The following SH3RF1 variants were observed in gnomAD, a reference collection of about 807,000 sequenced individuals.
The protein encoded by SH3RF1 is SH3 domain containing ring finger 1.
SH3RF1 carries 32 observed loss-of-function variants against 74.0 expected under a neutral mutation model. The observed-to-expected ratio is 0.43, with a 90% confidence interval of 0.33 to 0.58. The LOEUF is 0.58. Ranked by LOEUF, SH3RF1 falls within the 20% of genes least tolerant of loss-of-function variation. The probability of loss-of-function intolerance (pLI) is 0.05; values close to 1 mark genes in which losing one functional copy is unlikely to be tolerated. For synonymous variants in SH3RF1, 396 were observed against 439.6 expected, an observed-to-expected ratio of 0.90 and a Z score of 1.24; for missense variants, 954 against 1,130.9, an observed-to-expected ratio of 0.84 and a Z score of 2.24.
intron 2 of SH3RF1, among the ~76,000 whole-genome samples, chr4:169,229,015 C>G (rs181671421): frequency 7.2e-4 from 110 of 152,184 alleles, no homozygotes; most frequent in African/African-American, 2.5e-3. Flanking sequence ...AACAGCTTAA[C>G]CTGATTTATT....
chr4:169,116,150 G>A (rs1427314009), intron 10 of SH3RF1, 119 bp downstream of exon 10: 2 of 1,424,320 alleles, frequency 1.4e-6, no homozygotes, highest in East Asian at 2.3e-5. Flanking sequence ...CACGTAGGGA[G>A]CACCTGAGGG....
chr4:169,102,130 A>G lies in SH3RF1; in HGVS notation c.2498+4717T>C, dbSNP rs548408900. On this transcript the variant is annotated intron_variant, in intron 11 of 11. Transcript: ENST00000284637. Reference sequence around the variant, plus strand: ...TTCATCACTCTGACCTGGGTGAGTAACCACTTACTGCTTTCTACCAGTTGC... The same window carrying G: ...TTCATCACTCTGACCTGGGTGAGTAGCCACTTACTGCTTTCTACCAGTTGC... 1.3e-4 allele frequency among the ~76,000 whole-genome samples: 20 copies of G among 152,294 alleles called. No homozygotes were observed. The South Asian group carries it at 4.1e-3, about 32-fold the overall frequency.
At chr4:169,131,885 C>T (rs970311228) in intron 5 of SH3RF1, among the ~76,000 whole-genome samples, 1 of 152,208 alleles carries the variant, frequency 6.6e-6, no homozygotes, top group Non-Finnish European at 1.5e-5. Context: ...TTCACTTTAG[C>T]CTCTGATTGG....
chr4:169,104,426 G>A (rs1254508506), intron 11 of SH3RF1, among the ~76,000 whole-genome samples: 1 of 152,164 alleles, frequency 6.6e-6, no homozygotes, highest in East Asian at 1.9e-4. Flanking sequence ...CTTAGAGTAA[G>A]AGATTCAGTG....
chr4:169,122,137 G>A lies in SH3RF1; in HGVS notation c.1309C>T (p.Gln437Ter). Residue 437 changes from glutamine (Q) to a stop codon, truncating the protein, a stop_gained, in exon 7 of 12, where the codon CAG (glutamine) becomes TAG (stop). Transcript: ENST00000284637. LOFTEE classifies it high-confidence loss of function. ...GTCTGCGGCCGTAAATGTGCAATCT[G>A]GTCAGTGGATCCTGCCATGGGCCTC... ...GPRPMAGSTD[Q>*]IAHLRPQTRP... 6.2e-7 allele frequency: 1 copy of A among 1,613,066 alleles called. No homozygotes were observed. Among genetic ancestry groups the A allele is most frequent in the Non-Finnish European group, 8.5e-7 (1 of 1,180,030 alleles).
chr4:169,157,500 A>G (rs1052790010), intron 2 of SH3RF1, among the ~76,000 whole-genome samples: 11 of 152,214 alleles, frequency 7.2e-5, no homozygotes, highest in Non-Finnish European at 1.0e-4. Flanking sequence ...GTGCAATTTA[A>G]TCATCAACTG....
chr4:169,161,499 G>A (rs1370190730), intron 2 of SH3RF1, among the ~76,000 whole-genome samples: 1 of 152,202 alleles, frequency 6.6e-6, no homozygotes, highest in African/African-American at 2.4e-5. Flanking sequence ...AATGCTACTT[G>A]ATGAACTAGC....
chr4:169,250,344 T>C (rs752108358), intron 2 of SH3RF1, among the ~76,000 whole-genome samples: 1 of 152,060 alleles, frequency 6.6e-6, no homozygotes, highest in Non-Finnish European at 1.5e-5. Context: ...TGCGGCAAGA[T>C]TATTTTTTAA....
intron 11 of SH3RF1, among the ~76,000 whole-genome samples, chr4:169,100,682 C>T (rs1419579364): frequency 1.3e-5 from 2 of 152,182 alleles, no homozygotes; most frequent in Non-Finnish European, 2.9e-5. Context: ...TTGCAGCTAC[C>T]CACTGCCAAA....
At chr4:169,265,230 T>C (rs1413355613) in intron 2 of SH3RF1, among the ~76,000 whole-genome samples, 1 of 152,226 alleles carries the variant, frequency 6.6e-6, no homozygotes, top group Non-Finnish European at 1.5e-5. Flanking sequence ...TGTCTACCAT[T>C]ACCTATCCAG....
chr4:169,116,175 A>C, intron 10 of SH3RF1, 94 bp downstream of exon 10: 2 of 1,512,456 alleles, frequency 1.3e-6, no homozygotes, highest in Non-Finnish European at 1.8e-6. Context: ...TTGAACAGTG[A>C]GTCCTCTCAT....
intron 2 of SH3RF1, among the ~76,000 whole-genome samples, chr4:169,162,790 C>T (rs978999363): frequency 6.6e-6 from 1 of 152,210 alleles, no homozygotes; most frequent in Non-Finnish European, 1.5e-5. Flanking sequence ...AGCCCCCCTC[C>T]TTATTCCAGA....
chr4:169,250,683 G>A (rs1731088408), intron 2 of SH3RF1, among the ~76,000 whole-genome samples: 1 of 152,152 alleles, frequency 6.6e-6, no homozygotes, highest in Non-Finnish European at 1.5e-5. Context: ...CTATTGTGGG[G>A]TAGTGGGGAT....
chr4:169,163,145 A>C (rs1260286110), intron 2 of SH3RF1, among the ~76,000 whole-genome samples: 1 of 152,094 alleles, frequency 6.6e-6, no homozygotes, highest in African/African-American at 2.4e-5. Context: ...TAGATAAAGT[A>C]GCTTTCTTAC....
At chr4:169,146,334 A>G (rs1215263406) in intron 4 of SH3RF1, among the ~76,000 whole-genome samples, 1 of 150,822 alleles carries the variant, frequency 6.6e-6, no homozygotes, top group Non-Finnish European at 1.5e-5. Flanking sequence ...GGTTCAAGCA[A>G]TTCTCCTGCC....
intron 4 of SH3RF1, among the ~76,000 whole-genome samples, chr4:169,155,198 C>G (rs865942748): frequency 2.6e-5 from 4 of 152,178 alleles, no homozygotes; most frequent in Non-Finnish European, 5.9e-5. Flanking sequence ...ATGGAATAAA[C>G]AGGAAATAGT....
intron 3 of SH3RF1, among the ~76,000 whole-genome samples, 155 bp from the exon 4 acceptor site, chr4:169,155,730 C>A (rs1013558603): frequency 6.6e-6 from 1 of 152,172 alleles, no homozygotes; most frequent in East Asian, 1.9e-4. Flanking sequence ...TAAATGTTTT[C>A]ATGAATTAAA....
intron 2 of SH3RF1, among the ~76,000 whole-genome samples, chr4:169,218,390 TTATAGAA>T (rs527981791): frequency 0.019 from 2,644 of 141,508 alleles, 74 homozygotes; most frequent in African/African-American, 0.062. Flanking sequence ...AATATATATA[TTATAGAA>T]TATAGAATAT....
At chr4:169,183,796 A>C (rs1456092689) in intron 2 of SH3RF1, among the ~76,000 whole-genome samples, 1 of 152,144 alleles carries the variant, frequency 6.6e-6, no homozygotes, top group Admixed American at 6.5e-5. Flanking sequence ...AACTGGAAAA[A>C]AAAAGTCAAC....
Sources: gnomAD v4.1 joint callset for allele counts (sites outside exome capture counted in the v4.1 genomes callset) on GRCh38, gnomAD v4.1.1 for gene constraint, MANE v1.5 for transcripts, NCBI Gene and HGNC (gene_info 2026-07-23, HGNC 2026-07-21) for gene names.